PDCL: variants seen among roughly 807,000 people sequenced by gnomAD.
PDCL encodes the protein phosducin-like protein.
A neutral mutation model predicts 26.7 loss-of-function variants in PDCL; 11 were observed. That is an observed-to-expected ratio of 0.41 (90% CI 0.26 to 0.68). The LOEUF is 0.68. PDCL is among the 30% of genes least tolerant of loss of function. The pLI, the probability that PDCL is intolerant of heterozygous loss-of-function variation, is 0.30. For missense variants in PDCL, 330 were observed against 371.6 expected, an observed-to-expected ratio of 0.89 and a Z score of 0.92; for synonymous variants, 118 against 134.9, an observed-to-expected ratio of 0.87 and a Z score of 0.87.
At chr9:122,826,918 A>C in intron 1 of PDCL, 126 bp from the exon 2 acceptor site, 1 of 822,772 alleles carries the variant, frequency 1.2e-6, no homozygotes, top group Non-Finnish European at 1.9e-6. Context: ...TTATTTTCAT[A>C]ACCAAAATCT....
chr9:122,827,541 C>G (rs1829643878), intron 1 of PDCL, among the ~76,000 whole-genome samples: 1 of 152,096 alleles, frequency 6.6e-6, no homozygotes, highest in Non-Finnish European at 1.5e-5. Flanking sequence ...TGGCGAAACT[C>G]TTGTCTCTAC....
rs537176840 is a variant in PDCL at position 122,825,966 on chromosome 9, T to G, written c.172+650A>C. Among the ~76,000 whole-genome samples the G allele has an allele frequency of 2.0e-5, 3 of 152,172 alleles. No homozygotes were observed. In the South Asian group the frequency reaches 6.2e-4, roughly 32 times the overall value. On this transcript the variant is annotated intron_variant, in intron 2 of 3. Transcript: ENST00000259467. ...GTCCCAGCTACACGTGGTCCCAGCT[T>G]TTTAAGAGAGGAACCTCATGGAAGC...
At position 122,818,560 on chromosome 9, in the gene PDCL, GCTTT is replaced by G. The variant is rs1216946293; in HGVS notation, c.*1521_*1524del. 1 of 149,826 alleles carries G rather than the reference GCTTT, an allele frequency of 6.7e-6. No homozygotes were observed. Among genetic ancestry groups the G allele is most frequent in the Non-Finnish European group, 1.5e-5 (1 of 67,744 alleles). The allele number at this position is 149,826 out of a possible 1,614,324, so 9.3% of individuals were successfully genotyped here. ...CATTCCACCCTTTCTACTACAACGA[GCTTT>G]CTTAGTCAAAAAAAAAAAAAATGCA... On this transcript the variant is annotated 3_prime_UTR_variant, in exon 4 of 4. Coordinates refer to ENST00000259467, the MANE Select transcript of PDCL (RefSeq NM_005388.5).
intron 3 of PDCL, among the ~76,000 whole-genome samples, chr9:122,822,506 T>C (rs1829565699): frequency 6.6e-6 from 1 of 151,772 alleles, no homozygotes; most frequent in African/African-American, 2.4e-5. Flanking sequence ...TCAGATGAAA[T>C]AGCAACATCA....
At chr9:122,823,792 T>C (rs1829586027) in intron 2 of PDCL, among the ~76,000 whole-genome samples, 1 of 143,656 alleles carries the variant, frequency 7.0e-6, no homozygotes. Flanking sequence ...TTTTTTGAGA[T>C]TGAGTCTTGC....
chr9:122,820,068 G>GC lies in PDCL; in HGVS notation c.*16dup. On this transcript the variant is annotated 3_prime_UTR_variant, in exon 4 of 4. Coordinates refer to ENST00000259467, the MANE Select transcript of PDCL (RefSeq NM_005388.5). ...CCAACCCAAACAATGAGAAATCTAT[G>GC]CAACTAGACTATCAGTTCAATCTAT... 6.5e-7 allele frequency: 1 copy of GC among 1,548,378 alleles called. No homozygotes were observed.
chr9:122,823,151 C>T lies in PDCL; in HGVS notation c.219G>A (p.Glu73=). 1 of 1,614,170 alleles carries T rather than the reference C, an allele frequency of 6.2e-7. No homozygotes were observed. The highest frequency in any genetic ancestry group is 8.5e-7 in the Non-Finnish European group (1 of 1,180,044). The change falls in exon 3 of 4, where the codon GAG becomes GAA. Residue 73 remains glutamate (E), a synonymous_variant. Coordinates refer to ENST00000259467, the MANE Select transcript of PDCL (RefSeq NM_005388.5). ...INDWRRFKQL[E]TEQREEQCRE... is the part of the protein sequence containing the mutation. ...GGCACTGCTCCTCCCTCTGCTCTGT[C>T]TCCAACTGCTTGAAGCGGCGCCAGT...
rs995139359 is a variant in PDCL, at chr9:122,819,446, A to G, written c.*639T>C. ...GCCCCACTCCAGCTCTAATGTTTAA[A>G]TCCATAAACTACTTGTCTTCTAACA... is the stretch of plus-strand genomic sequence containing the variant. On this transcript the variant is annotated 3_prime_UTR_variant, in exon 4 of 4. Transcript: ENST00000259467. 2.0e-5 allele frequency: 3 copies of G among 152,224 alleles called. No homozygotes were observed. The highest frequency in any genetic ancestry group is 4.4e-5 in the Non-Finnish European group (3 of 68,042). 9.4% of individuals were successfully genotyped at this position (152,224 alleles called of 1,614,324 possible). A position where few individuals can be genotyped will look rare whatever the true frequency, so the allele number is the denominator to read the frequency against.
At chr9:122,827,863 T>G (rs1427663115) in intron 1 of PDCL, among the ~76,000 whole-genome samples, 5 of 152,086 alleles carry the variant, frequency 3.3e-5, no homozygotes, top group African/African-American at 7.2e-5. Flanking sequence ...GCGGCTGCCT[T>G]AAAGACTTAT....
rs1453510387 is a variant in PDCL, at chr9:122,818,312, T to A, written c.*1773A>T. ...AATAAATAAAAATAAAGAGACTGGT[T>A]AAATAAATTATTATATATCCAAATG... On this transcript the variant is annotated 3_prime_UTR_variant, in exon 4 of 4. Coordinates refer to ENST00000259467, the MANE Select transcript of PDCL (RefSeq NM_005388.5). 6.6e-6 allele frequency: 1 copy of A among 152,124 alleles called. No homozygotes were observed. The highest frequency in any genetic ancestry group is 1.5e-5 in the Non-Finnish European group (1 of 68,020). 9.4% of individuals were successfully genotyped at this position (152,124 alleles called of 1,614,324 possible).
In PDCL at chr9:122,819,368, CAA is replaced by C. The variant is rs1416247475; in HGVS notation, c.*715_*716del. The C allele has an allele frequency of 6.6e-6, 1 of 151,620 alleles. No homozygotes were observed. Among genetic ancestry groups the C allele is most frequent in the Non-Finnish European group, 1.5e-5 (1 of 67,880 alleles). The allele number at this position is 151,620 out of a possible 1,614,324, so 9.4% of individuals were successfully genotyped here. A position where few individuals can be genotyped will look rare whatever the true frequency, so the allele number is the denominator to read the frequency against. On this transcript the variant is annotated 3_prime_UTR_variant, in exon 4 of 4. Transcript: ENST00000259467. ...GTTACCTTGTTAAACAAAAAAGAGA[CAA>C]AGACAAGCAGGGGCATCTTACTGAA...
chr9:122,826,266 T>C (rs1003152378), intron 2 of PDCL, among the ~76,000 whole-genome samples: 1 of 152,208 alleles, frequency 6.6e-6, no homozygotes, highest in African/African-American at 2.4e-5. Flanking sequence ...TCAACTCAAC[T>C]GACAGCAATT....
At chr9:122,823,892 C>T (rs1415245818) in intron 2 of PDCL, among the ~76,000 whole-genome samples, 1 of 151,810 alleles carries the variant, frequency 6.6e-6, no homozygotes, top group Non-Finnish European at 1.5e-5. Context: ...GCCTCAGCTT[C>T]CCGAGCAGCT....
In PDCL at chr9:122,826,300, G is replaced by A. The variant is rs145022507; in HGVS notation, c.172+316C>T. On this transcript the variant is annotated intron_variant, in intron 2 of 3. Coordinates refer to ENST00000259467, the MANE Select transcript of PDCL (RefSeq NM_005388.5). ...TTTGACAATATTAAAATGTACAAGTGTAAATATGCCATTTTTAGGAATTTG... is the reference window on the plus strand; with the variant it reads ...TTTGACAATATTAAAATGTACAAGTATAAATATGCCATTTTTAGGAATTTG... 1.8e-4 allele frequency among the ~76,000 whole-genome samples: 27 copies of A among 152,272 alleles called. No homozygotes were observed. In the East Asian group the frequency reaches 2.5e-3, roughly 14 times the overall value.
intron 1 of PDCL, among the ~76,000 whole-genome samples, chr9:122,828,256 G>A (rs1267890312): frequency 6.6e-6 from 1 of 152,134 alleles, no homozygotes; most frequent in Non-Finnish European, 1.5e-5. Flanking sequence ...CGGGGCCCCC[G>A]GACGGGAAGC....
chr9:122,826,519 G>A (rs1829630272), intron 2 of PDCL, 97 bp downstream of exon 2: 6 of 1,090,568 alleles, frequency 5.5e-6, no homozygotes, highest in Non-Finnish European at 7.5e-6. Flanking sequence ...AGAGTTAAAA[G>A]TGATCAGGAG....
At chr9:122,826,435 T>C (rs1829629269) in intron 2 of PDCL, among the ~76,000 whole-genome samples, 181 bp downstream of exon 2, 1 of 152,228 alleles carries the variant, frequency 6.6e-6, no homozygotes, top group African/African-American at 2.4e-5. Context: ...GCTATGCACA[T>C]ACATTTGTAT....
chr9:122,823,696 C>G (rs937511432), intron 2 of PDCL, among the ~76,000 whole-genome samples: 2 of 151,984 alleles, frequency 1.3e-5, no homozygotes, highest in African/African-American at 4.8e-5. Flanking sequence ...GTGGTTGTCT[C>G]CAGGTAGTAG....
chr9:122,824,314 T>C (rs917452527), intron 2 of PDCL, among the ~76,000 whole-genome samples: 1 of 152,214 alleles, frequency 6.6e-6, no homozygotes, highest in Admixed American at 6.5e-5. Flanking sequence ...GTATGCCATG[T>C]CTGAGCAAAA....
Sources: gnomAD v4.1 joint callset for allele counts (sites outside exome capture counted in the v4.1 genomes callset) on GRCh38, gnomAD v4.1.1 for gene constraint, MANE v1.5 for transcripts, NCBI Gene and HGNC (gene_info 2026-07-23, HGNC 2026-07-21) for gene names.